Variants in USP24 observed in about 807,000 individuals in gnomAD.
The protein encoded by USP24 is ubiquitin specific peptidase 24.
A neutral mutation model predicts 361.6 loss-of-function variants in USP24; 97 were observed. The observed-to-expected ratio is 0.27, with a 90% confidence interval of 0.23 to 0.32. The LOEUF (loss-of-function observed/expected upper bound fraction) is 0.32. Among genes scored for constraint, USP24 ranks in the 10% least tolerant of loss-of-function variants. The pLI is 1.00. For missense variants in USP24, 2,353 were observed against 3,165.6 expected (o/e 0.74, Z 6.16); for synonymous variants, 1,098 against 1,124.6 (o/e 0.98, Z 0.47).
chr1:55,128,929 C>T lies in USP24; in HGVS notation c.3635+548G>A, dbSNP rs79845730. Among the ~76,000 whole-genome samples, 231 of 151,836 alleles carry T rather than the reference C, an allele frequency of 1.5e-3. 1 individual carries two copies. Among genetic ancestry groups the T allele is most frequent in the African/African-American group, 5.3e-3 (221 of 41,386 alleles). On this transcript the variant is annotated intron_variant, in intron 32 of 67. Coordinates refer to ENST00000294383, the MANE Select transcript of USP24 (RefSeq NM_015306.3). ...GACATGAGGTCTCACTATGTCGCCCCGTACGATCTCAAACTCTTGGGCTCA... is the reference window on the plus strand; with the variant it reads ...GACATGAGGTCTCACTATGTCGCCCTGTACGATCTCAAACTCTTGGGCTCA...
chr1:55,172,557 G>C (rs1649559206), intron 3 of USP24, 37 bp from the exon 4 acceptor site: 4 of 1,556,200 alleles, frequency 2.6e-6, no homozygotes, highest in South Asian at 1.2e-5. Context: ...AGTCTAACTT[G>C]AAAAAAGAAA....
At chr1:55,135,039 A>T (rs1393995228) in intron 28 of USP24, among the ~76,000 whole-genome samples, 1 of 152,242 alleles carries the variant, frequency 6.6e-6, no homozygotes, top group Non-Finnish European at 1.5e-5. Context: ...AATGTGAGAC[A>T]GTTAAAAATT....
chr1:55,077,392 C>G, intron 61 of USP24, 92 bp from the exon 62 acceptor site: 1 of 1,175,702 alleles, frequency 8.5e-7, no homozygotes, highest in East Asian at 2.7e-5. Context: ...GCTCTATCAC[C>G]TTCTGGCCGA....
chr1:55,122,139 T>C (rs186973342), intron 36 of USP24, among the ~76,000 whole-genome samples: 4 of 152,216 alleles, frequency 2.6e-5, no homozygotes, highest in East Asian at 1.9e-4. Flanking sequence ...AATAAATAAG[T>C]AGATTATTTT....
At chr1:55,209,946 A>G (rs1490263921) in intron 1 of USP24, among the ~76,000 whole-genome samples, 2 of 152,234 alleles carry the variant, frequency 1.3e-5, no homozygotes, top group African/African-American at 4.8e-5. Flanking sequence ...ACTTAAGTAT[A>G]TGGACATATT....
At chr1:55,160,985 T>C (rs1050045577) in intron 8 of USP24, among the ~76,000 whole-genome samples, 1 of 152,190 alleles carries the variant, frequency 6.6e-6, no homozygotes, top group African/African-American at 2.4e-5. Context: ...GGTTTTAATA[T>C]ACAGAATGGA....
intron 1 of USP24, among the ~76,000 whole-genome samples, chr1:55,179,142 G>A (rs768977374): frequency 1.3e-5 from 2 of 152,068 alleles, no homozygotes; most frequent in African/African-American, 2.4e-5. Context: ...ATCCAATTAA[G>A]TCTCAGTCCT....
chr1:55,125,268 G>A (rs1646394540), intron 34 of USP24, 52 bp downstream of exon 34: 1 of 1,546,134 alleles, frequency 6.5e-7, no homozygotes, highest in Non-Finnish European at 8.9e-7. Flanking sequence ...TTCCTAAACA[G>A]GACATTCTGA....
At position 55,162,282 on chromosome 1, in the gene USP24, A is replaced by G. The variant is rs1200270034; in HGVS notation, c.928-18T>C. On this transcript the variant is annotated intron_variant, in intron 7 of 67. Coordinates refer to ENST00000294383, the MANE Select transcript of USP24 (RefSeq NM_015306.3). ...GAGACAGCCTGGAAAAAGACAGTGA[A>G]GATTAAAAATACATTTGAGAGGATT... The G allele has an allele frequency of 6.5e-7, 1 of 1,535,676 alleles. No homozygotes were observed. Among genetic ancestry groups the G allele is most frequent in the Non-Finnish European group, 8.7e-7 (1 of 1,145,640 alleles).
At chr1:55,194,110 A>G (rs1239214457) in intron 1 of USP24, among the ~76,000 whole-genome samples, 1 of 152,224 alleles carries the variant, frequency 6.6e-6, no homozygotes, top group Non-Finnish European at 1.5e-5. Flanking sequence ...GTAAGAGAGG[A>G]CTATCAAGTA....
intron 59 of USP24, among the ~76,000 whole-genome samples, chr1:55,079,890 ACACACAGAGAACTCG>A (rs1473130154): frequency 6.6e-6 from 1 of 151,740 alleles, no homozygotes; most frequent in Non-Finnish European, 1.5e-5. Flanking sequence ...CAGTACTCGC[ACACACAGAGAACTCG>A]CACACAGAGT....
chr1:55,071,636 C>A, intron 67 of USP24, 178 bp downstream of exon 67: 1 of 1,145,350 alleles, frequency 8.7e-7, no homozygotes. Flanking sequence ...CTACTCAGCC[C>A]TGTAAACACA....
At chr1:55,129,326 A>T in intron 32 of USP24, 151 bp downstream of exon 32, 1 of 533,644 alleles carries the variant, frequency 1.9e-6, no homozygotes, top group Non-Finnish European at 3.2e-6. Context: ...AAAATATTTT[A>T]AAGGACTGAA....
chr1:55,168,243 G>A (rs565169989), intron 5 of USP24, among the ~76,000 whole-genome samples: 1 of 152,214 alleles, frequency 6.6e-6, no homozygotes, highest in East Asian at 1.9e-4. Context: ...AACATGCAGG[G>A]GTGTTGGTGT....
At chr1:55,084,365 G>A (rs1645208681) in intron 56 of USP24, 1 of 153,670 alleles carries the variant, frequency 6.5e-6, no homozygotes, top group Admixed American at 6.5e-5. Context: ...GAATGACAAC[G>A]GTGATATCGA....
chr1:55,129,049 G>A (rs994502942), intron 32 of USP24, among the ~76,000 whole-genome samples: 1 of 152,004 alleles, frequency 6.6e-6, no homozygotes, highest in Non-Finnish European at 1.5e-5. Flanking sequence ...TAGTTACCTA[G>A]CTGTTTGTTA....
At chr1:55,162,144 T>C (rs186500580) in intron 8 of USP24, 55 bp downstream of exon 8, 3 of 1,499,932 alleles carry the variant, frequency 2.0e-6, no homozygotes, top group Middle Eastern at 1.7e-4. Flanking sequence ...AAAGAAGTTA[T>C]TACTGTTTGC....
intron 1 of USP24, among the ~76,000 whole-genome samples, chr1:55,202,816 A>C (rs536915531): frequency 8.1e-4 from 123 of 152,328 alleles, no homozygotes; most frequent in African/African-American, 2.9e-3. Context: ...AGACCACAGC[A>C]CCTTCACAAG....
intron 1 of USP24, among the ~76,000 whole-genome samples, chr1:55,186,822 A>G (rs979879952): frequency 6.6e-6 from 1 of 152,204 alleles, no homozygotes; most frequent in Non-Finnish European, 1.5e-5. Flanking sequence ...GGGAAGATGA[A>G]GTAGTTCTGA....
Sources: gnomAD v4.1 joint callset for allele counts (sites outside exome capture counted in the v4.1 genomes callset) on GRCh38, gnomAD v4.1.1 for gene constraint, MANE v1.5 for transcripts, NCBI Gene and HGNC (gene_info 2026-07-23, HGNC 2026-07-21) for gene names.